Variants in ERBIN observed in about 807,000 individuals in gnomAD.
ERBIN encodes densin-180-like protein.
Under a neutral mutation model 158.4 loss-of-function variants are expected in ERBIN, and 60 were observed. The observed-to-expected ratio is 0.38, with a 90% CI of 0.31 to 0.47. The LOEUF is 0.47. Among genes scored for constraint, ERBIN ranks in the 20% least tolerant of loss-of-function variants. ERBIN has a pLI of 0.99. For missense variants in ERBIN, 1,610 were observed against 1,648.0 expected (o/e 0.98, Z 0.40); for synonymous variants, 594 against 557.2 (o/e 1.07, Z -0.93).
At chr5:66,013,795 A>T (rs993454505) in intron 6 of ERBIN, among the ~76,000 whole-genome samples, 157 bp downstream of exon 6, 1 of 152,002 alleles carries the variant, frequency 6.6e-6, no homozygotes, top group East Asian at 1.9e-4. Flanking sequence ...GGTGGCTTTG[A>T]CTTAATTTTT....
chr5:65,965,396 T>G (rs1331640345), intron 1 of ERBIN, among the ~76,000 whole-genome samples: 169 of 6,886 alleles, frequency 0.025, no homozygotes, highest in African/African-American at 0.037. Flanking sequence ...TTTTTTTTTT[T>G]TTTTTTTTTT....
intron 21 of ERBIN, among the ~76,000 whole-genome samples, chr5:66,055,308 T>C (rs1759479451): frequency 6.6e-6 from 1 of 152,244 alleles, no homozygotes; most frequent in Non-Finnish European, 1.5e-5. Flanking sequence ...AAAAATAGTT[T>C]ACTATATAGT....
chr5:65,940,198 C>T (rs1256536315), intron 1 of ERBIN, among the ~76,000 whole-genome samples: 12 of 151,394 alleles, frequency 7.9e-5, no homozygotes, highest in Admixed American at 2.0e-4. Flanking sequence ...TCTGCCCCGC[C>T]GCCCCGTCTG....
At chr5:66,044,696 C>T (rs543228638) in intron 17 of ERBIN, among the ~76,000 whole-genome samples, 3 of 151,718 alleles carry the variant, frequency 2.0e-5, no homozygotes, top group South Asian at 2.1e-4. Flanking sequence ...ACCCAGGAGG[C>T]GGGGGTTGCA....
intron 1 of ERBIN, among the ~76,000 whole-genome samples, chr5:65,942,700 G>A (rs1339913331): frequency 2.0e-5 from 3 of 152,132 alleles, no homozygotes; most frequent in African/African-American, 7.2e-5. Context: ...TGAGGCAGGC[G>A]GATCACTTGA....
chr5:66,001,758 TTTTCTCGAGTTTTGG>T (rs1221286217), intron 4 of ERBIN, among the ~76,000 whole-genome samples: 1 of 152,222 alleles, frequency 6.6e-6, no homozygotes, highest in African/African-American at 2.4e-5. Context: ...CTTCTCTTTC[TTTTCTCGAGTTTTGG>T]TTTACTGTAT....
rs979322830 is a variant in ERBIN, at chr5:66,027,047, G to A, written c.1136+630G>A. On this transcript the variant is annotated intron_variant, in intron 13 of 25. Coordinates refer to ENST00000284037, the MANE Select transcript of ERBIN (RefSeq NM_001253697.2). ...AAAAACAGAATGTCCATACTTTTTC[G>A]TGAGGTAAACATACTAATGATGATT... Among the ~76,000 whole-genome samples, 7 of 151,870 alleles carry A rather than the reference G, an allele frequency of 4.6e-5. No homozygotes were observed. In the East Asian group the frequency reaches 1.2e-3, roughly 25 times the overall value.
chr5:66,051,876 C>T (rs1186193857), intron 20 of ERBIN, among the ~76,000 whole-genome samples: 1 of 136,320 alleles, frequency 7.3e-6, no homozygotes, highest in African/African-American at 2.9e-5. Context: ...GCCTGGGTGA[C>T]AGAGCTAGGC....
Position 66,081,371 on chromosome 5 carries a change from A to C in ERBIN, c.*2841A>C, listed in dbSNP as rs1192712752. 2 of 152,024 alleles carry C rather than the reference A, an allele frequency of 1.3e-5. No homozygotes were observed. Among genetic ancestry groups the C allele is most frequent in the Non-Finnish European group, 2.9e-5 (2 of 67,892 alleles). The allele number at this position is 152,024 out of a possible 1,614,324, so 9.4% of individuals were successfully genotyped here. On this transcript the variant is annotated 3_prime_UTR_variant, in exon 26 of 26. Transcript: ENST00000284037. ...ATGAAGATATATATATATACACTTA[A>C]TTCTTTTAAACACAAAACTTGCCAT...
intron 1 of ERBIN, among the ~76,000 whole-genome samples, chr5:65,964,959 TTTTTTTTTTTA>T (rs1275912244): frequency 2.1e-5 from 3 of 140,884 alleles, no homozygotes; most frequent in Non-Finnish European, 4.6e-5. Context: ...TTTTTTTTTT[TTTTTTTTTTTA>T]AGTAGAGATG....
intron 6 of ERBIN, among the ~76,000 whole-genome samples, chr5:66,014,340 A>G (rs1457089709): frequency 1.3e-5 from 2 of 152,118 alleles, no homozygotes; most frequent in Admixed American, 6.5e-5. Context: ...TTAGAGTTGC[A>G]TTATTGTTCT....
chr5:66,073,326 GC>G (rs1761696621), intron 22 of ERBIN, among the ~76,000 whole-genome samples: 1 of 152,174 alleles, frequency 6.6e-6, no homozygotes, highest in South Asian at 2.1e-4. Context: ...AAGTAATAAA[GC>G]AACAGCAGAA....
intron 21 of ERBIN, among the ~76,000 whole-genome samples, chr5:66,068,060 G>A (rs1761182168): frequency 6.6e-6 from 1 of 152,112 alleles, no homozygotes; most frequent in South Asian, 2.1e-4. Flanking sequence ...CGGCACAGTG[G>A]CTCATACCTG....
intron 1 of ERBIN, among the ~76,000 whole-genome samples, chr5:65,928,952 A>G (rs557279084): frequency 1.3e-5 from 2 of 152,314 alleles, no homozygotes; most frequent in South Asian, 4.1e-4. Flanking sequence ...ATTGGCAAAT[A>G]GAGAGTACTT....
At chr5:66,078,400 T>TA in intron 25 of ERBIN, 23 bp from the exon 26 acceptor site, 1 of 1,408,126 alleles carries the variant, frequency 7.1e-7, no homozygotes, top group Non-Finnish European at 9.8e-7. Context: ...ATGTTTTTCC[T>TA]AAAAGCATTT....
Position 66,055,155 on chromosome 5 carries a change from C to T in ERBIN, c.3633+204C>T, listed in dbSNP as rs1759464426. ...TGTTTCTATCCTCTCCTTCACTCCC[C>T]ACTGTTTCTAACAAAAATGTATTAA... On this transcript the variant is annotated intron_variant, in intron 21 of 25. Coordinates refer to ENST00000284037, the MANE Select transcript of ERBIN (RefSeq NM_001253697.2). The T allele has an allele frequency of 4.9e-5, 61 of 1,254,780 alleles. No homozygotes were observed. The South Asian group carries it at 1.5e-3, about 32-fold the overall frequency. The allele number at this position is 1,254,780 out of a possible 1,614,324, so 77.7% of individuals were successfully genotyped here.
intron 18 of ERBIN, among the ~76,000 whole-genome samples, chr5:66,047,636 T>C (rs2151217013): frequency 6.6e-6 from 1 of 152,170 alleles, no homozygotes; most frequent in East Asian, 1.9e-4. Flanking sequence ...TTTAAGTTAA[T>C]ACATCTTCAT....
intron 1 of ERBIN, among the ~76,000 whole-genome samples, chr5:65,967,791 A>G (rs1394477376): frequency 2.0e-5 from 3 of 152,230 alleles, no homozygotes; most frequent in East Asian, 1.9e-4. Context: ...AGTCATCAGT[A>G]TTACCTATCA....
chr5:66,039,707 G>T (rs967880426), intron 15 of ERBIN, among the ~76,000 whole-genome samples: 1 of 151,816 alleles, frequency 6.6e-6, no homozygotes, highest in Non-Finnish European at 1.5e-5. Flanking sequence ...TTTTGTTATG[G>T]AAACATACTT....
Sources: allele counts gnomAD v4.1 joint callset (sites outside exome capture counted in the v4.1 genomes callset), GRCh38; gene constraint gnomAD v4.1.1; transcripts MANE v1.5; gene names NCBI Gene and HGNC (gene_info 2026-07-23, HGNC 2026-07-21).